Variants in RBFOX1 observed in about 807,000 individuals in gnomAD.
RBFOX1 encodes RNA binding protein fox-1 homolog 1.
In RBFOX1, 8 loss-of-function variants were observed where a neutral mutation model predicts 57.7. The ratio of observed to expected loss-of-function variants is 0.14; its 90% confidence interval spans 0.08 to 0.25. The LOEUF (loss-of-function observed/expected upper bound fraction) is 0.25, where lower values mean the gene tolerates loss of function less well. RBFOX1 is among the 10% of genes least tolerant of loss of function. The pLI is 1.00. For missense variants in RBFOX1, 611 were observed against 548.5 expected (o/e 1.11, Z -1.14); for synonymous variants, 326 against 222.4 (o/e 1.47, Z -4.15).
At chr16:7,315,093 T>TTTC (rs369001142) in intron 4 of RBFOX1, among the ~76,000 whole-genome samples, 67,540 of 109,374 alleles carry the variant, frequency 0.62, 17,229 homozygotes, top group East Asian at 0.84. Flanking sequence ...GAAAAGCTCT[T>TTTC]TTTTTTTTTT....
At chr16:6,393,392 C>G (rs112200716) in intron 2 of RBFOX1, among the ~76,000 whole-genome samples, 248 of 152,250 alleles carry the variant, frequency 1.6e-3, no homozygotes, top group African/African-American at 5.7e-3. Context: ...GACAGCTGGT[C>G]TTTGAGATAT....
chr16:6,481,230 C>G (rs558662138), intron 2 of RBFOX1, among the ~76,000 whole-genome samples: 19 of 152,344 alleles, frequency 1.2e-4, no homozygotes, highest in African/African-American at 4.1e-4. Flanking sequence ...AAACAACCTT[C>G]TCTCTGTATC....
intron 4 of RBFOX1, among the ~76,000 whole-genome samples, chr16:7,301,517 G>C (rs1321559448): frequency 6.6e-6 from 1 of 152,174 alleles, no homozygotes; most frequent in Non-Finnish European, 1.5e-5. Flanking sequence ...ACTACTGAGG[G>C]GTTCCAACTT....
intron 3 of RBFOX1, among the ~76,000 whole-genome samples, chr16:6,977,067 C>A (rs1023717737): frequency 7.2e-6 from 1 of 139,036 alleles, no homozygotes; most frequent in East Asian, 2.1e-4. Flanking sequence ...ATGAGATATA[C>A]TTTATCATAT....
chr16:5,332,066 G>C (rs756097466), intron 1 of RBFOX1, among the ~76,000 whole-genome samples: 1 of 152,166 alleles, frequency 6.6e-6, no homozygotes, highest in Non-Finnish European at 1.5e-5. Context: ...AATGGCTTTG[G>C]AACAGTGGAT....
chr16:7,697,056 G>T (rs1332667302), intron 14 of RBFOX1, among the ~76,000 whole-genome samples: 1 of 152,188 alleles, frequency 6.6e-6, no homozygotes, highest in Non-Finnish European at 1.5e-5. Flanking sequence ...TAACAGTGAT[G>T]CAGAGGCATT....
At chr16:7,329,620 C>T (rs942739504) in intron 4 of RBFOX1, among the ~76,000 whole-genome samples, 1 of 152,138 alleles carries the variant, frequency 6.6e-6, no homozygotes, top group African/African-American at 2.4e-5. Context: ...GTCAATACAA[C>T]TTCAAAAACA....
At chr16:7,281,929 A>T (rs1394480388) in intron 4 of RBFOX1, among the ~76,000 whole-genome samples, 1 of 152,124 alleles carries the variant, frequency 6.6e-6, no homozygotes, top group Non-Finnish European at 1.5e-5. Flanking sequence ...TCAGTGGCAC[A>T]ATTATAGCTC....
At chr16:6,467,540 T>C (rs1289231553) in intron 2 of RBFOX1, among the ~76,000 whole-genome samples, 2 of 152,174 alleles carry the variant, frequency 1.3e-5, no homozygotes, top group South Asian at 2.1e-4. Flanking sequence ...TTCTTAGCTG[T>C]AGAATAAAGA....
At chr16:7,116,318 A>C (rs2065897064) in intron 4 of RBFOX1, among the ~76,000 whole-genome samples, 1 of 152,060 alleles carries the variant, frequency 6.6e-6, no homozygotes, top group Non-Finnish European at 1.5e-5. Flanking sequence ...GTAAAGGAAA[A>C]TTGTCCTCAT....
At chr16:5,918,264 C>G (rs1474786564) in intron 4 of RBFOX1, among the ~76,000 whole-genome samples, 1 of 152,156 alleles carries the variant, frequency 6.6e-6, no homozygotes, top group Non-Finnish European at 1.5e-5. Context: ...GGACTACAGG[C>G]AGCTGCCACC....
chr16:6,318,205 C>G (rs1291754779), intron 2 of RBFOX1, among the ~76,000 whole-genome samples: 1 of 152,166 alleles, frequency 6.6e-6, no homozygotes, highest in South Asian at 2.1e-4. Flanking sequence ...CCCTGATCAG[C>G]TAACGCTTGT....
At chr16:5,767,397 A>C (rs555865122) in intron 3 of RBFOX1, among the ~76,000 whole-genome samples, 1 of 152,186 alleles carries the variant, frequency 6.6e-6, no homozygotes, top group Admixed American at 6.5e-5. Context: ...AAACCACGCT[A>C]TGGGAGTGAA....
chr16:5,555,300 T>C (rs745815137), intron 2 of RBFOX1, among the ~76,000 whole-genome samples: 2 of 152,108 alleles, frequency 1.3e-5, no homozygotes, highest in Non-Finnish European at 2.9e-5. Flanking sequence ...GTTGCTCAGA[T>C]TGGAGTGCAG....
rs7194874 is a variant in RBFOX1 at position 6,456,826 on chromosome 16, T to G, written c.-64+139769T>G. Among the ~76,000 whole-genome samples the G allele has an allele frequency of 2.8e-3, 430 of 152,332 alleles. 2 individuals are homozygous for G. Among genetic ancestry groups the G allele is most frequent in the African/African-American group, 8.7e-3 (360 of 41,578 alleles). ...AGTTATGAGAGGAAGCAACGTGGAC[T>G]CAAGTTTCATTCTGGTACCTTCTAG... On this transcript the variant is annotated intron_variant, in intron 2 of 15. Coordinates refer to ENST00000550418, the MANE Select transcript of RBFOX1 (RefSeq NM_018723.4).
intron 3 of RBFOX1, among the ~76,000 whole-genome samples, chr16:5,634,568 G>A (rs908073910): frequency 6.6e-6 from 1 of 152,306 alleles, no homozygotes; most frequent in Non-Finnish European, 1.5e-5. Context: ...AATTGAGCCA[G>A]TGTAAGTCAG....
intron 3 of RBFOX1, among the ~76,000 whole-genome samples, chr16:5,634,428 C>T (rs1567326161): frequency 1.3e-5 from 2 of 152,154 alleles, no homozygotes; most frequent in African/African-American, 2.4e-5. Context: ...GACACTTACT[C>T]ATTTAAGCTA....
chr16:7,397,237 T>C (rs112768198), intron 4 of RBFOX1, among the ~76,000 whole-genome samples: 214 of 152,330 alleles, frequency 1.4e-3, no homozygotes, highest in African/African-American at 3.3e-3. Context: ...GTGAAGACTT[T>C]AGTAAGATAG....
chr16:6,259,381 C>G (rs1023424717), intron 1 of RBFOX1, among the ~76,000 whole-genome samples: 1 of 152,158 alleles, frequency 6.6e-6, no homozygotes, highest in Non-Finnish European at 1.5e-5. Context: ...TCAGGACTCA[C>G]AGCCTAAGCA....
Sources: gnomAD v4.1 joint callset for allele counts (sites outside exome capture counted in the v4.1 genomes callset) on GRCh38, gnomAD v4.1.1 for gene constraint, MANE v1.5 for transcripts, NCBI Gene and HGNC (gene_info 2026-07-23, HGNC 2026-07-21) for gene names.